The following PREX1 variants were observed in gnomAD, a reference collection of about 807,000 sequenced individuals.
The protein encoded by PREX1 is phosphatidylinositol-3,4,5-trisphosphate dependent Rac exchange factor 1.
A neutral mutation model predicts 198.3 loss-of-function variants in PREX1; 41 were observed. The observed-to-expected ratio is 0.21, with a 90% confidence interval of 0.16 to 0.27. PREX1 has a LOEUF of 0.27. PREX1 is among the 10% of genes least tolerant of loss of function. The pLI is 1.00. For synonymous variants in PREX1, 843 were observed against 887.2 expected (o/e 0.95, Z 0.89); for missense variants, 1,620 against 2,200.7 (o/e 0.74, Z 5.28).
chr20:48,874,705 G>A, the PREX1 span, among the ~76,000 whole-genome samples: 18 of 151,710 alleles, frequency 1.2e-4, no homozygotes, highest in South Asian at 6.3e-4. Context: ...GGTAAAACCC[G>A]GTCTCTACTA....
chr20:48,873,243 G>T, the PREX1 span, among the ~76,000 whole-genome samples: 1 of 152,128 alleles, frequency 6.6e-6, no homozygotes, highest in Admixed American at 6.6e-5. Flanking sequence ...ACCTTTGTTT[G>T]GTTCATGTCC....
intron 1 of PREX1, among the ~76,000 whole-genome samples, chr20:48,753,801 G>T (rs2122808174): frequency 6.6e-6 from 1 of 152,256 alleles, no homozygotes; most frequent in Admixed American, 6.5e-5. Context: ...TGGCAGGAGA[G>T]GTCCCTCCTC....
chr20:48,627,354 T>A (rs1034135808), intron 39 of PREX1, among the ~76,000 whole-genome samples, 194 bp downstream of exon 39: 1 of 151,846 alleles, frequency 6.6e-6, no homozygotes. Flanking sequence ...TGGGGGCTCA[T>A]CTTCCCGGTG....
At chr20:48,832,898 A>G (rs1370589134), upstream of PREX1, among the ~76,000 whole-genome samples, 2 of 152,206 alleles carry the variant, frequency 1.3e-5, no homozygotes, top group African/African-American at 4.8e-5. Context: ...GGAAGCAGAA[A>G]GGAAAACATC....
intron 7 of PREX1, among the ~76,000 whole-genome samples, chr20:48,697,680 G>A (rs561439590): frequency 2.0e-4 from 30 of 152,190 alleles, no homozygotes; most frequent in Non-Finnish European, 3.2e-4. Context: ...TACTGCGCCC[G>A]GCCCTCTGTG....
the PREX1 span, among the ~76,000 whole-genome samples, chr20:48,886,545 G>C: frequency 6.6e-6 from 1 of 152,196 alleles, no homozygotes; most frequent in East Asian, 1.9e-4. Context: ...CCAGAAGCCT[G>C]ATCTCCCCAG....
At chr20:48,746,177 T>G (rs2090106886) in intron 2 of PREX1, among the ~76,000 whole-genome samples, 1 of 152,110 alleles carries the variant, frequency 6.6e-6, no homozygotes, top group South Asian at 2.1e-4. Flanking sequence ...CATGCCGCCA[T>G]GCCTGGCTAA....
chr20:48,642,127 C>A (rs1231805741), intron 29 of PREX1, 41 bp downstream of exon 29: 1 of 1,592,482 alleles, frequency 6.3e-7, no homozygotes, highest in African/African-American at 1.3e-5. Context: ...TAACACCCTT[C>A]CCCATCGCAG....
At chr20:48,735,580 G>A (rs1295033059) in intron 3 of PREX1, among the ~76,000 whole-genome samples, 2 of 150,972 alleles carry the variant, frequency 1.3e-5, no homozygotes, top group Non-Finnish European at 2.9e-5. Flanking sequence ...GGCTAACACA[G>A]AGTACATACC....
At chr20:48,677,127 G>T (rs2089714983) in intron 13 of PREX1, among the ~76,000 whole-genome samples, 1 of 152,216 alleles carries the variant, frequency 6.6e-6, no homozygotes, top group South Asian at 2.1e-4. Context: ...GACTGGGGGG[G>T]TCTGACAGGC....
In PREX1 at chr20:48,642,329, A is replaced by T. The variant is rs551005584; in HGVS notation, c.3685-71T>A. 1.7e-5 allele frequency: 27 copies of T among 1,604,204 alleles called. No homozygotes were observed. The South Asian group carries it at 2.9e-4, about 17-fold the overall frequency. The stretch of plus-strand genomic sequence containing the variant: ...CACACTGCAGACATCTGGGACCCAC[A>T]GCCCCCGGGTCATGGGCCCTCCCCA... On this transcript the variant is annotated intron_variant, in intron 28 of 39. Transcript: ENST00000371941.
At chr20:48,840,427 T>A in the PREX1 span, among the ~76,000 whole-genome samples, 1 of 152,024 alleles carries the variant, frequency 6.6e-6, no homozygotes, top group Non-Finnish European at 1.5e-5. Flanking sequence ...CTTGAAGCAA[T>A]GCCATGATGA....
At chr20:48,801,615 T>G (rs1292192636) in intron 1 of PREX1, among the ~76,000 whole-genome samples, 1 of 152,146 alleles carries the variant, frequency 6.6e-6, no homozygotes, top group African/African-American at 2.4e-5. Context: ...ACCACCACCC[T>G]GGGCCAGGAC....
chr20:48,764,781 C>CAAA (rs1182093484), intron 1 of PREX1, among the ~76,000 whole-genome samples: 18 of 80,928 alleles, frequency 2.2e-4, no homozygotes, highest in South Asian at 4.4e-4. Context: ...GACTCTTTCT[C>CAAA]AAAAAAAAAA....
chr20:48,735,184 A>G (rs560363803), intron 3 of PREX1, among the ~76,000 whole-genome samples: 47 of 152,294 alleles, frequency 3.1e-4, no homozygotes, highest in Non-Finnish European at 5.3e-4. Context: ...GAGCCTTCTT[A>G]GCAGGAAGCT....
rs1600539844 is a variant in PREX1, at chr20:48,827,739, C to G, written c.122G>C (p.Arg41Pro). 1 of 1,300,162 alleles carries G rather than the reference C, an allele frequency of 7.7e-7. No individual in the cohort carries two copies. Among genetic ancestry groups the G allele is most frequent in the Non-Finnish European group, 9.9e-7 (1 of 1,009,004 alleles). 80.5% of individuals were successfully genotyped at this position (1,300,162 alleles called of 1,614,324 possible). The change falls in exon 1 of 40, where the codon CGG becomes CCG. Residue 41 changes from arginine to proline, a missense_variant. Physicochemically the swap from Arg to Pro is moderately radical, Grantham distance 103. Transcript: ENST00000371941. This position sits in a 1 kb window ranked among gnomAD's most constrained non-coding sequence, Gnocchi z 4.1. Reference protein sequence around the residue: ...SSGPGPCAAARESERQLRLRL... With the variant: ...SSGPGPCAAAPESERQLRLRL... ...GAGGCGCAGCTGGCGCTCGGACTCC[C>G]GGGCGGCCGCGCACGGGCCGGGGCC...
At chr20:48,798,715 C>T (rs895425986) in intron 1 of PREX1, among the ~76,000 whole-genome samples, 1 of 152,212 alleles carries the variant, frequency 6.6e-6, no homozygotes, top group African/African-American at 2.4e-5. Flanking sequence ...ACTGCCAAGT[C>T]CCTGGAGCAC....
chr20:48,692,462 G>C, intron 8 of PREX1: 1 of 469,604 alleles, frequency 2.1e-6, no homozygotes, highest in Non-Finnish European at 3.9e-6. Flanking sequence ...GCATTGCAAG[G>C]AGGAAGGATT....
intron 1 of PREX1, among the ~76,000 whole-genome samples, chr20:48,796,596 A>T (rs1215947486): frequency 1.3e-5 from 2 of 151,686 alleles, no homozygotes. Context: ...GAAAATGATT[A>T]CACATTTATA....
Sources: gnomAD v4.1 joint callset for allele counts (sites outside exome capture counted in the v4.1 genomes callset) on GRCh38, gnomAD v4.1.1 for gene constraint, Gnocchi (gnomAD v3.1) non-coding constraint, MANE v1.5 for transcripts, NCBI Gene and HGNC (gene_info 2026-07-23, HGNC 2026-07-21) for gene names.